The following FBXO42 variants were observed in gnomAD, a reference collection of about 807,000 sequenced individuals.
FBXO42 encodes the protein F-box protein 42.
Under a neutral mutation model 71.7 loss-of-function variants are expected in FBXO42, and 12 were observed. The observed-to-expected ratio is 0.17, with a 90% CI of 0.11 to 0.27. FBXO42 has a LOEUF of 0.27. FBXO42 is among the 10% of genes least tolerant of loss of function. The probability of loss-of-function intolerance (pLI) is 1.00; values close to 1 mark genes in which losing one functional copy is unlikely to be tolerated. For synonymous variants in FBXO42, 325 were observed against 327.5 expected (o/e 0.99, Z 0.08); for missense variants, 707 against 911.9 (o/e 0.78, Z 2.89).
chr1:16,296,763 T>G (rs1037744327), intron 3 of FBXO42, among the ~76,000 whole-genome samples: 1 of 152,092 alleles, frequency 6.6e-6, no homozygotes, highest in Non-Finnish European at 1.5e-5. Context: ...TAATTCAGTT[T>G]AGCACACCAA....
chr1:16,334,880 A>G (rs1557605972), intron 1 of FBXO42, among the ~76,000 whole-genome samples: 1 of 152,048 alleles, frequency 6.6e-6, no homozygotes, highest in African/African-American at 2.4e-5. Context: ...AATACAAATT[A>G]AATGGAGTTC....
chr1:16,291,076 T>C (rs1326946047), intron 4 of FBXO42, among the ~76,000 whole-genome samples: 2 of 152,230 alleles, frequency 1.3e-5, no homozygotes, highest in African/African-American at 4.8e-5. Context: ...AGCTACACTT[T>C]TGAAGTCTGA....
At chr1:16,336,566 A>G (rs889515190) in intron 1 of FBXO42, among the ~76,000 whole-genome samples, 7 of 149,324 alleles carry the variant, frequency 4.7e-5, no homozygotes, top group African/African-American at 1.7e-4. Context: ...CATGTTGGCC[A>G]GGCTGGTCTT....
chr1:16,265,568 C>A (rs925757385), intron 4 of FBXO42, among the ~76,000 whole-genome samples: 1 of 151,620 alleles, frequency 6.6e-6, no homozygotes, highest in Non-Finnish European at 1.5e-5. Flanking sequence ...TTACTAGCCT[C>A]ATTTTACAGA....
intron 4 of FBXO42, among the ~76,000 whole-genome samples, chr1:16,287,165 A>G (rs12120676): frequency 0.35 from 53,084 of 152,066 alleles, 9,731 homozygotes; most frequent in African/African-American, 0.41. Context: ...TCCAGTCACA[A>G]TGGATTCCTC....
chr1:16,326,683 CAAAAAAAAAA>C (rs397860543), intron 1 of FBXO42, among the ~76,000 whole-genome samples: 5 of 103,116 alleles, frequency 4.8e-5, no homozygotes, highest in Non-Finnish European at 9.9e-5. Context: ...AACCCTGTCT[CAAAAAAAAAA>C]AAAAAAAGAA....
intron 1 of FBXO42, among the ~76,000 whole-genome samples, chr1:16,344,487 T>C (rs1406085554): frequency 2.5e-3 from 1 of 406 alleles, no homozygotes; most frequent in South Asian, 0.17. Flanking sequence ...CCCAGCTAAC[T>C]TTTTTTTTTT....
chr1:16,271,751 G>T (rs1218440448), intron 4 of FBXO42, among the ~76,000 whole-genome samples: 1 of 151,952 alleles, frequency 6.6e-6, no homozygotes, highest in Non-Finnish European at 1.5e-5. Flanking sequence ...TAAGTGTTTG[G>T]TTTTCTTCTG....
At position 16,348,426 on chromosome 1, in the gene FBXO42, C is replaced by T. The variant is rs146451989; in HGVS notation, c.-18+3829G>A. Among the ~76,000 whole-genome samples the T allele has an allele frequency of 2.5e-3, 386 of 152,194 alleles. 1 individual carries two copies. The highest frequency in any genetic ancestry group is 3.9e-3 in the Non-Finnish European group (268 of 68,018). ...AAAGTTTAGTGTAATTCGTCGGGAG[C>T]GGTGGCTGAAGCCTGTAATCCCAGC... On this transcript the variant is annotated intron_variant, in intron 1 of 9. Coordinates refer to ENST00000375592, the MANE Select transcript of FBXO42 (RefSeq NM_018994.3).
chr1:16,312,761 C>T (rs2082325202), intron 2 of FBXO42, among the ~76,000 whole-genome samples: 1 of 150,526 alleles, frequency 6.6e-6, no homozygotes, highest in African/African-American at 2.4e-5. Flanking sequence ...ATACATGTGT[C>T]AGGGTAGGGG....
rs1007653596 is a variant in FBXO42 at position 16,319,535 on chromosome 1, C to G, written c.-17-4100G>C. Among the ~76,000 whole-genome samples, 5 of 152,140 alleles carry G rather than the reference C, an allele frequency of 3.3e-5. No individual in the cohort carries two copies. The East Asian group carries it at 9.6e-4, about 29-fold the overall frequency. Reference sequence around the variant, plus strand: ...CACCTGGTGGTATGGGGGAAAGGCACTGACAGTGAGAAAGGAGCAATTCCC... The same window carrying G: ...CACCTGGTGGTATGGGGGAAAGGCAGTGACAGTGAGAAAGGAGCAATTCCC... On this transcript the variant is annotated intron_variant, in intron 1 of 9. Coordinates refer to ENST00000375592, the MANE Select transcript of FBXO42 (RefSeq NM_018994.3).
intron 4 of FBXO42, among the ~76,000 whole-genome samples, chr1:16,281,016 C>A (rs1259830725): frequency 6.6e-6 from 1 of 152,186 alleles, no homozygotes; most frequent in Non-Finnish European, 1.5e-5. Context: ...GGCTGGAGTG[C>A]AATGACACGA....
chr1:16,301,619 C>T (rs1048301105), intron 3 of FBXO42, among the ~76,000 whole-genome samples: 1 of 149,214 alleles, frequency 6.7e-6, no homozygotes, highest in South Asian at 2.1e-4. Context: ...GCCAAGACCG[C>T]GCCACTGCAC....
intron 2 of FBXO42, among the ~76,000 whole-genome samples, chr1:16,306,531 C>T (rs1469649649): frequency 6.6e-6 from 1 of 152,130 alleles, no homozygotes; most frequent in Non-Finnish European, 1.5e-5. Context: ...ATATTATTTA[C>T]TCCAAAGCAA....
At chr1:16,288,167 C>A (rs2082041311) in intron 4 of FBXO42, among the ~76,000 whole-genome samples, 1 of 151,796 alleles carries the variant, frequency 6.6e-6, no homozygotes, top group Non-Finnish European at 1.5e-5. Context: ...AGGCCGGGTG[C>A]AGTGGCTCAA....
chr1:16,316,054 C>A (rs1449537181), intron 1 of FBXO42, among the ~76,000 whole-genome samples: 1 of 151,384 alleles, frequency 6.6e-6, no homozygotes, highest in African/African-American at 2.4e-5. Flanking sequence ...CCTGTAATCC[C>A]AGCTACTCGG....
Position 16,299,769 on chromosome 1 carries a change from C to T in FBXO42, c.368-4852G>A, listed in dbSNP as rs185208432. Among the ~76,000 whole-genome samples the T allele has an allele frequency of 5.9e-3, 894 of 152,168 alleles. 13 individuals carry two copies. Among genetic ancestry groups the T allele is most frequent in the Non-Finnish European group, 7.4e-3 (503 of 67,998 alleles). ...AAGCGATTTTCCTGCCTCAGCCTCC[C>T]GAGTAGTTTGGACCACAGGCACGCG... is the stretch of plus-strand genomic sequence containing the variant. On this transcript the variant is annotated intron_variant, in intron 3 of 9. Coordinates refer to ENST00000375592, the MANE Select transcript of FBXO42 (RefSeq NM_018994.3).
chr1:16,340,484 A>AT (rs2082592521), intron 1 of FBXO42, among the ~76,000 whole-genome samples: 1 of 151,792 alleles, frequency 6.6e-6, no homozygotes, highest in African/African-American at 2.4e-5. Context: ...CGCCCAGCTA[A>AT]TTTTTTGTAT....
chr1:16,288,146 A>T (rs1371882974), intron 4 of FBXO42, among the ~76,000 whole-genome samples: 1 of 151,892 alleles, frequency 6.6e-6, no homozygotes, highest in Non-Finnish European at 1.5e-5. Flanking sequence ...TCTCAAACAA[A>T]CAATAATAAT....
Sources: allele counts gnomAD v4.1 joint callset (sites outside exome capture counted in the v4.1 genomes callset), GRCh38; gene constraint gnomAD v4.1.1; transcripts MANE v1.5; gene names NCBI Gene and HGNC (gene_info 2026-07-23, HGNC 2026-07-21).